Variants in ZNF777 observed in about 807,000 individuals in gnomAD.
ZNF777 encodes zinc finger protein 777.
In ZNF777, 7 loss-of-function variants were observed where a neutral mutation model predicts 72.1. That is an observed-to-expected ratio of 0.10 (90% CI 0.06 to 0.18). ZNF777 has a LOEUF of 0.18. Among genes scored for constraint, ZNF777 ranks in the 10% least tolerant of loss-of-function variants. The pLI, the probability that ZNF777 is intolerant of heterozygous loss-of-function variation, is 1.00. For synonymous variants in ZNF777, 545 were observed against 483.5 expected, an observed-to-expected ratio of 1.13 and a Z score of -1.67; for missense variants, 828 against 1,128.6, an observed-to-expected ratio of 0.73 and a Z score of 3.82.
chr7:149,459,765 G>T (rs1799908826), intron 1 of ZNF777: 2 of 984,946 alleles, frequency 2.0e-6, no homozygotes, highest in Non-Finnish European at 2.4e-6. Flanking sequence ...CCGGGCCGGG[G>T]AAGGCTCCGC....
intron 1 of ZNF777, among the ~76,000 whole-genome samples, chr7:149,456,646 GCCA>G (rs1161933953): frequency 6.6e-6 from 1 of 152,198 alleles, no homozygotes. Context: ...TTGGCATCCA[GCCA>G]CCACCACTTC....
At chr7:149,459,835 C>A (rs1036177430) in intron 1 of ZNF777, 1 of 984,650 alleles carries the variant, frequency 1.0e-6, no homozygotes, top group East Asian at 1.1e-4. Context: ...GCGCGGGCCC[C>A]GCAGGGAGCG....
Position 149,432,046 on chromosome 7 carries a change from G to A in ZNF777, c.2226C>T (p.Arg742=), listed in dbSNP as rs757152513. Residue 742 remains arginine, a synonymous_variant, in exon 6 of 6, where the codon CGC becomes CGT. Coordinates refer to ENST00000247930, the MANE Select transcript of ZNF777 (RefSeq NM_015694.3). ...CGTGCGGCCGCTCGCGCGAGTGCAC[G>A]CGGCAGTGGTTGGTGAGCTTGGACT... The part of the protein sequence containing the change: ...SEKSKLTNHC[R]VHSRERPHAC... 15 of 1,607,030 alleles carry A rather than the reference G, an allele frequency of 9.3e-6. No homozygotes were observed. Among genetic ancestry groups the A allele is most frequent in the Non-Finnish European group, 1.2e-5 (14 of 1,179,682 alleles).
rs10282590 is a variant in ZNF777, at chr7:149,452,202, G to C, written c.974-1090C>G. Among the ~76,000 whole-genome samples the C allele has an allele frequency of 1.3e-4, 19 of 151,562 alleles. No individual in the cohort carries two copies. In the South Asian group the frequency reaches 4.0e-3, roughly 32 times the overall value. On this transcript the variant is annotated intron_variant, in intron 3 of 5. Coordinates refer to ENST00000247930, the MANE Select transcript of ZNF777 (RefSeq NM_015694.3). ...ATAGTGTGAACCCGGGAGGCGGAGC[G>C]TGCAGTGAGCCGAGATCGCGCCACT...
chr7:149,459,860 C>A, intron 1 of ZNF777: 1 of 984,154 alleles, frequency 1.0e-6, no homozygotes, highest in Non-Finnish European at 1.2e-6. Context: ...CGCCTCCGGG[C>A]GCCCCACCTC....
rs1308754818 is a variant in ZNF777 at position 149,432,493 on chromosome 7, C to G, written c.1779G>C (p.Gln593His). The change falls in exon 6 of 6, where the codon CAG becomes CAC. Residue 593 changes from glutamine (Q) to histidine (H), a missense_variant. Around this residue, in one of 12 missense-constraint regions of ZNF777, gnomAD observed 100 missense variants for 106.2 expected, o/e 0.94. Coordinates refer to ENST00000247930, the MANE Select transcript of ZNF777 (RefSeq NM_015694.3). ...AGCCTCCGCGCACGCGGTGGATGCG[C>G]TGGTGCAGCGTGAGCTGTTGCTTGT... ...FRHKQQLTLH[Q>H]RIHRVRGGCV... 1.2e-6 allele frequency: 2 copies of G among 1,613,888 alleles called. No homozygotes were observed. The highest frequency in any genetic ancestry group is 2.2e-5 in the South Asian group (2 of 91,090).
chr7:149,455,948 A>G lies in ZNF777; in HGVS notation c.75T>C (p.Ala25=), dbSNP rs371279451. The G allele has an allele frequency of 5.6e-6, 9 of 1,613,482 alleles. No individual in the cohort carries two copies. The African/African-American group carries it at 6.7e-5, about 12-fold the overall frequency. Residue 25 remains alanine (A), a synonymous_variant, in exon 2 of 6, where the codon GCT becomes GCC. Transcript: ENST00000247930. This position sits in a 1 kb window ranked among gnomAD's most constrained non-coding sequence, Gnocchi z 4.2. ...GGAACAGAGTTTCTCGGGGGAGTCC[A>G]GCAGGGGCCTGACGTAAGGTTTCTT... The part of the protein sequence containing the change: ...PQEETLRQAP[A]GLPRETLFQS...
chr7:149,442,216 CAAAAAA>C (rs528928411), intron 4 of ZNF777, among the ~76,000 whole-genome samples: 4 of 83,142 alleles, frequency 4.8e-5, no homozygotes, highest in Non-Finnish European at 2.4e-5. Flanking sequence ...GACTCTGTCT[CAAAAAA>C]AAAAAAAAAA....
chr7:149,450,978 A>C, intron 4 of ZNF777, 21 bp downstream of exon 4: 1 of 1,595,744 alleles, frequency 6.3e-7, no homozygotes, highest in Non-Finnish European at 8.6e-7. Context: ...GCAGAGCTGC[A>C]GATCACCCTT....
intron 4 of ZNF777, among the ~76,000 whole-genome samples, chr7:149,438,183 C>T (rs932716952): frequency 7.3e-5 from 11 of 151,602 alleles, no homozygotes; most frequent in African/African-American, 2.4e-4. Flanking sequence ...TTTTTAGTAG[C>T]GATGGGGTTT....
intron 4 of ZNF777, among the ~76,000 whole-genome samples, chr7:149,444,064 G>A (rs1799567592): frequency 6.6e-6 from 1 of 152,102 alleles, no homozygotes. Flanking sequence ...ATCATCCATT[G>A]ACTTCCAAGG....
At chr7:149,441,983 C>T (rs778337481) in intron 4 of ZNF777, among the ~76,000 whole-genome samples, 5 of 150,854 alleles carry the variant, frequency 3.3e-5, no homozygotes, top group Admixed American at 1.3e-4. Flanking sequence ...AGGCGGGTAA[C>T]GTCAGGACAA....
At chr7:149,440,684 T>G (rs1048989597) in intron 4 of ZNF777, among the ~76,000 whole-genome samples, 12 of 148,688 alleles carry the variant, frequency 8.1e-5, no homozygotes, top group African/African-American at 2.5e-4. Flanking sequence ...TTTTTTTTTT[T>G]TTTTTTTTAA....
chr7:149,458,921 C>T (rs1183628932), intron 1 of ZNF777, among the ~76,000 whole-genome samples: 1 of 152,190 alleles, frequency 6.6e-6, no homozygotes, highest in African/African-American at 2.4e-5. Flanking sequence ...CCCTCCTTCC[C>T]CGACGGATCA....
chr7:149,435,956 A>G (rs1799402897), intron 5 of ZNF777, among the ~76,000 whole-genome samples: 1 of 152,240 alleles, frequency 6.6e-6, no homozygotes, highest in African/African-American at 2.4e-5. Flanking sequence ...ATGATCAAGT[A>G]GGGCTTTTCC....
chr7:149,435,036 G>A (rs529201699), intron 5 of ZNF777, among the ~76,000 whole-genome samples: 9 of 152,264 alleles, frequency 5.9e-5, no homozygotes, highest in East Asian at 1.9e-4. Flanking sequence ...GAGTTTATAC[G>A]ATGATGGTCC....
chr7:149,439,717 G>A (rs914121177), intron 4 of ZNF777, among the ~76,000 whole-genome samples: 30 of 152,136 alleles, frequency 2.0e-4, no homozygotes, highest in African/African-American at 7.0e-4. Context: ...AAATGTGTAT[G>A]TAAGTTGAAA....
chr7:149,450,847 G>A, intron 4 of ZNF777, 152 bp downstream of exon 4: 1 of 600,154 alleles, frequency 1.7e-6, no homozygotes, highest in East Asian at 2.9e-5. Context: ...TGGTGATCAT[G>A]GCACTCCAAA....
chr7:149,432,553 G>C lies in ZNF777; in HGVS notation c.1719C>G (p.Pro573=). The change falls in exon 6 of 6, where the codon CCC becomes CCG. Residue 573 remains proline (P), a synonymous_variant. Transcript: ENST00000247930. ...IHQRNHIKEG[P]YECAECEISF... ...TGATCTCGCATTCGGCGCACTCGTA[G>C]GGCCCCTCCTTGATGTGGTTGCGCT... 1.2e-6 allele frequency: 2 copies of C among 1,613,822 alleles called. No homozygotes were observed. Among genetic ancestry groups the C allele is most frequent in the Non-Finnish European group, 1.7e-6 (2 of 1,179,850 alleles).
Sources: allele counts gnomAD v4.1 joint callset (sites outside exome capture counted in the v4.1 genomes callset), GRCh38; gene constraint gnomAD v4.1.1; regional missense constraint gnomAD v4.1.1; non-coding constraint Gnocchi (gnomAD v3.1); transcripts MANE v1.5; gene names NCBI Gene and HGNC (gene_info 2026-07-23, HGNC 2026-07-21).